Variants in MAN2A1 observed in about 807,000 individuals in gnomAD.
The protein encoded by MAN2A1 is alpha-mannosidase 2.
In MAN2A1, 76 loss-of-function variants were observed where a neutral mutation model predicts 142.6. That is an observed-to-expected ratio of 0.53 (90% CI 0.44 to 0.65). The LOEUF (loss-of-function observed/expected upper bound fraction) is 0.65. Ranked by LOEUF, MAN2A1 falls within the 30% of genes least tolerant of loss-of-function variation. MAN2A1 has a pLI of 0.00. For synonymous variants in MAN2A1, 559 were observed against 473.2 expected (o/e 1.18, Z -2.35); for missense variants, 1,311 against 1,365.1 (o/e 0.96, Z 0.62).
At chr5:109,865,366 CA>C (rs1755852816) in intron 21 of MAN2A1, 1 of 519,990 alleles carries the variant, frequency 1.9e-6, no homozygotes, top group Non-Finnish European at 3.5e-6. Context: ...AATTTATGCA[CA>C]TTTGAAGGCA....
intron 12 of MAN2A1, among the ~76,000 whole-genome samples, chr5:109,802,551 C>T (rs920656451): frequency 3.3e-4 from 50 of 152,226 alleles, no homozygotes; most frequent in African/African-American, 1.2e-3. Context: ...ATAGCAGAAA[C>T]CATTTTGATT....
chr5:109,804,883 AG>A (rs1398659784), intron 12 of MAN2A1, among the ~76,000 whole-genome samples: 4 of 152,166 alleles, frequency 2.6e-5, no homozygotes, highest in African/African-American at 9.7e-5. Flanking sequence ...TAACTTTTTA[AG>A]GTCCTTTTTA....
intron 12 of MAN2A1, among the ~76,000 whole-genome samples, chr5:109,801,640 C>A (rs1304218759): frequency 6.6e-6 from 1 of 152,114 alleles, no homozygotes; most frequent in Non-Finnish European, 1.5e-5. Context: ...AGCTACTCTT[C>A]CTTGCCCACT....
chr5:109,692,267 C>T (rs1267393864), intron 1 of MAN2A1, among the ~76,000 whole-genome samples: 1 of 152,116 alleles, frequency 6.6e-6, no homozygotes, highest in Admixed American at 6.5e-5. Context: ...CTGCTTTAAG[C>T]GTAAAGCATT....
chr5:109,774,558 C>T (rs1322484680), intron 7 of MAN2A1, among the ~76,000 whole-genome samples: 1 of 151,808 alleles, frequency 6.6e-6, no homozygotes, highest in Non-Finnish European at 1.5e-5. Flanking sequence ...TGAGTTTTTC[C>T]TTCTGATAAG....
chr5:109,813,259 C>T (rs1410439535), intron 12 of MAN2A1, among the ~76,000 whole-genome samples: 4 of 152,112 alleles, frequency 2.6e-5, no homozygotes, highest in Admixed American at 6.6e-5. Context: ...GGGATATTGG[C>T]CTTGCTAAGG....
rs545996857 is a variant in MAN2A1 at position 109,708,464 on chromosome 5, G to C, written c.136-5056G>C. On this transcript the variant is annotated intron_variant, in intron 1 of 21. Transcript: ENST00000261483. Reference sequence around the variant, plus strand: ...TGGGGCCCTGGAGGGGAATGGGAATGTAAGATGTTTTATTCAGGGTTCTCC... The same window carrying C: ...TGGGGCCCTGGAGGGGAATGGGAATCTAAGATGTTTTATTCAGGGTTCTCC... 4.2e-5 allele frequency among the ~76,000 whole-genome samples: 6 copies of C among 142,704 alleles called. No individual in the cohort carries two copies. The East Asian group carries it at 1.4e-3, about 34-fold the overall frequency. 93.6% of individuals were successfully genotyped at this position (142,704 alleles called of 152,430 possible). A position where few individuals can be genotyped will look rare whatever the true frequency, so the allele number is the denominator to read the frequency against.
chr5:109,714,685 T>G (rs2112563680), intron 2 of MAN2A1, among the ~76,000 whole-genome samples: 1 of 152,318 alleles, frequency 6.6e-6, no homozygotes, highest in South Asian at 2.1e-4. Context: ...TATTTTAAAG[T>G]TGGACAAAAT....
intron 18 of MAN2A1, among the ~76,000 whole-genome samples, chr5:109,846,451 G>A (rs1400769876): frequency 6.6e-6 from 1 of 152,168 alleles, no homozygotes; most frequent in Non-Finnish European, 1.5e-5. Context: ...AAGGAAGGGA[G>A]TAGAAATGAT....
chr5:109,842,341 GTCTGTGGAAGTT>G lies in MAN2A1; in HGVS notation c.2583_2594del (p.Val862_Ser865del). On this transcript the variant is annotated inframe_deletion, in exon 17 of 22. Coordinates refer to ENST00000261483, the MANE Select transcript of MAN2A1 (RefSeq NM_002372.4). Reference sequence around the variant, plus strand: ...TTTTAAATTTAGGAATAGAAGGACAGTCTGTGGAAGTTTCCAATATTGTGGACATCCGAAAAG... The same window carrying G: ...TTTTAAATTTAGGAATAGAAGGACAGTCCAATATTGTGGACATCCGAAAAG... The G allele has an allele frequency of 6.4e-7, 1 of 1,562,212 alleles. No individual in the cohort carries two copies. Among genetic ancestry groups the G allele is most frequent in the Non-Finnish European group, 8.7e-7 (1 of 1,147,570 alleles).
Position 109,866,917 on chromosome 5 carries a change from T to A in MAN2A1, c.3354T>A (p.His1118Gln). Residue 1118 changes from histidine (H) to glutamine (Q), a missense_variant, in exon 22 of 22, where the codon CAT (histidine) becomes CAA (glutamine). By Grantham distance (24) the His-to-Gln change is conservative. This residue lies in a region of MAN2A1 where 890 missense variants were observed against 920.5 expected (regional missense o/e 0.97). Transcript: ENST00000261483. Reference protein sequence around the residue: ...SLTPSSLSLMHSPPGTQNISE... With the variant: ...SLTPSSLSLMQSPPGTQNISE... ...CACCTTCATCACTATCCTTGATGCA[T>A]TCACCTCCCGGCACTCAGAATATAA... is the stretch of plus-strand genomic sequence containing the variant. 1 of 1,612,816 alleles carries A rather than the reference T, an allele frequency of 6.2e-7. No homozygotes were observed. The highest frequency in any genetic ancestry group is 8.5e-7 in the Non-Finnish European group (1 of 1,179,024).
intron 12 of MAN2A1, among the ~76,000 whole-genome samples, chr5:109,798,626 C>G (rs1430159838): frequency 6.6e-6 from 1 of 152,148 alleles, no homozygotes; most frequent in Non-Finnish European, 1.5e-5. Flanking sequence ...ACTTTCAACT[C>G]GTATCCAAAC....
chr5:109,746,703 A>G (rs1044895810), intron 4 of MAN2A1, among the ~76,000 whole-genome samples: 2 of 151,690 alleles, frequency 1.3e-5, no homozygotes, highest in Admixed American at 6.6e-5. Flanking sequence ...AGCTGTTACT[A>G]CCATCCATCT....
At chr5:109,737,647 A>G (rs553114482) in intron 4 of MAN2A1, among the ~76,000 whole-genome samples, 2 of 152,252 alleles carry the variant, frequency 1.3e-5, no homozygotes, top group East Asian at 1.9e-4. Flanking sequence ...AAATTGTGCA[A>G]TATTAAACCC....
intron 16 of MAN2A1, among the ~76,000 whole-genome samples, chr5:109,828,918 A>C (rs2112738537): frequency 6.6e-6 from 1 of 152,300 alleles, no homozygotes; most frequent in African/African-American, 2.4e-5. Flanking sequence ...TCTCTGAGCA[A>C]TTTTGAATAT....
Position 109,784,836 on chromosome 5 carries a change from C to T in MAN2A1, c.1670C>T (p.Thr557Ile), listed in dbSNP as rs1408740415. The T allele has an allele frequency of 1.2e-6, 2 of 1,612,582 alleles. No homozygotes were observed. Among genetic ancestry groups the T allele is most frequent in the Admixed American group, 1.7e-5 (1 of 59,828 alleles). The part of the protein sequence containing the change: ...FLSSSLYTAL[T>I]EARRNLGLFQ... ...TCATCATCACTTTACACGGCACTGA[C>T]AGAAGCCAGAAGGAATTTGGGACTG... The change falls in exon 10 of 22, where the codon ACA (threonine) becomes ATA (isoleucine). Residue 557 changes from threonine (T) to isoleucine (I), a missense_variant. Around this residue, in one of 3 missense-constraint regions of MAN2A1, gnomAD observed 890 missense variants for 920.5 expected, o/e 0.97. Coordinates refer to ENST00000261483, the MANE Select transcript of MAN2A1 (RefSeq NM_002372.4).
At chr5:109,790,663 C>T (rs1214205856) in intron 12 of MAN2A1, among the ~76,000 whole-genome samples, 1 of 151,832 alleles carries the variant, frequency 6.6e-6, no homozygotes, top group Non-Finnish European at 1.5e-5. Context: ...TATGCCTGTT[C>T]CTTAAATATT....
At chr5:109,804,255 T>G in intron 12 of MAN2A1, 1 of 987,504 alleles carries the variant, frequency 1.0e-6, no homozygotes, top group Non-Finnish European at 1.2e-6. Flanking sequence ...ATCTTGGACT[T>G]CAGAACACCT....
rs190304273 is a variant in MAN2A1, at chr5:109,799,292, G to A, written c.1943+9765G>A. Among the ~76,000 whole-genome samples the A allele has an allele frequency of 3.3e-5, 5 of 152,264 alleles. No individual in the cohort carries two copies. In the East Asian group the frequency reaches 7.7e-4, roughly 24 times the overall value. Reference sequence around the variant, plus strand: ...ACTCTTTAACGTGGCTTGTGTGCCTGTATTTTTGTCTCTCGCATCATCTCT... The same window carrying A: ...ACTCTTTAACGTGGCTTGTGTGCCTATATTTTTGTCTCTCGCATCATCTCT... On this transcript the variant is annotated intron_variant, in intron 12 of 21. Coordinates refer to ENST00000261483, the MANE Select transcript of MAN2A1 (RefSeq NM_002372.4).
Sources: gnomAD v4.1 joint callset for allele counts (sites outside exome capture counted in the v4.1 genomes callset) on GRCh38, gnomAD v4.1.1 for gene constraint, gnomAD v4.1.1 regional missense constraint, MANE v1.5 for transcripts, NCBI Gene and HGNC (gene_info 2026-07-23, HGNC 2026-07-21) for gene names.